The following PELI2 variants were observed in gnomAD, a reference collection of about 807,000 sequenced individuals.
The protein encoded by PELI2 is pellino E3 ubiquitin protein ligase family member 2.
A neutral mutation model predicts 42.3 loss-of-function variants in PELI2; 23 were observed. That is an observed-to-expected ratio of 0.54 (90% CI 0.39 to 0.77). PELI2 has a LOEUF of 0.77. Among genes scored for constraint, PELI2 ranks in the 30% least tolerant of loss-of-function variants. The pLI, the probability that PELI2 is intolerant of heterozygous loss-of-function variation, is 0.00. For missense variants in PELI2, 463 were observed against 553.2 expected (o/e 0.84, Z 1.64); for synonymous variants, 245 against 212.2 (o/e 1.15, Z -1.34).
In PELI2 at chr14:56,300,847, G is replaced by A. The variant is rs772492158; in HGVS notation, c.*3681G>A. On this transcript the variant is annotated 3_prime_UTR_variant, in exon 6 of 6. Transcript: ENST00000267460. ...CCTCCTTCTGTGCGACCAATGAGACGACTTCAGCATCTTTTTAAAATAATC... is the reference window on the plus strand; with the variant it reads ...CCTCCTTCTGTGCGACCAATGAGACAACTTCAGCATCTTTTTAAAATAATC... The A allele has an allele frequency of 1.3e-5, 2 of 152,004 alleles. No homozygotes were observed. Among genetic ancestry groups the A allele is most frequent in the Admixed American group, 6.6e-5 (1 of 15,254 alleles). 9.4% of individuals were successfully genotyped at this position (152,004 alleles called of 1,614,324 possible).
At chr14:56,149,702 A>T (rs577245296) in intron 1 of PELI2, among the ~76,000 whole-genome samples, 1 of 151,772 alleles carries the variant, frequency 6.6e-6, no homozygotes, top group Non-Finnish European at 1.5e-5. Flanking sequence ...GCCTCAGTTC[A>T]TTTCCAGATT....
chr14:56,203,687 C>A (rs1886418709), intron 2 of PELI2, among the ~76,000 whole-genome samples: 2 of 152,092 alleles, frequency 1.3e-5, no homozygotes, highest in African/African-American at 2.4e-5. Flanking sequence ...CTAAGTCTGC[C>A]CTTACTGTGC....
intron 2 of PELI2, among the ~76,000 whole-genome samples, chr14:56,228,579 G>T (rs1202959749): frequency 6.6e-6 from 1 of 152,166 alleles, no homozygotes; most frequent in Non-Finnish European, 1.5e-5. Flanking sequence ...TTAAAAACTG[G>T]ATTAAAAAAT....
chr14:56,237,319 C>T (rs1887833337), intron 2 of PELI2, among the ~76,000 whole-genome samples: 1 of 152,134 alleles, frequency 6.6e-6, no homozygotes, highest in Non-Finnish European at 1.5e-5. Context: ...GTCTGCTTTC[C>T]ACTACAGGGG....
At chr14:56,204,526 G>C (rs367921539) in intron 2 of PELI2, among the ~76,000 whole-genome samples, 3 of 152,072 alleles carry the variant, frequency 2.0e-5, no homozygotes, top group Non-Finnish European at 2.9e-5. Flanking sequence ...TGCGGTTTGC[G>C]GTATGATGAA....
At chr14:56,208,460 G>C (rs900143968) in intron 2 of PELI2, among the ~76,000 whole-genome samples, 1 of 152,168 alleles carries the variant, frequency 6.6e-6, no homozygotes, top group Non-Finnish European at 1.5e-5. Context: ...CCTGCAATAC[G>C]ATTGCATTTG....
At chr14:56,294,437 G>A (rs1418897032) in intron 5 of PELI2, among the ~76,000 whole-genome samples, 2 of 152,200 alleles carry the variant, frequency 1.3e-5, no homozygotes, top group African/African-American at 2.4e-5. Context: ...AGGAGAAGTC[G>A]AGTGACTGCA....
intron 2 of PELI2, among the ~76,000 whole-genome samples, chr14:56,250,537 G>T (rs1888309618): frequency 6.6e-6 from 1 of 152,124 alleles, no homozygotes; most frequent in Non-Finnish European, 1.5e-5. Context: ...ATGCCATAGA[G>T]CCTCTGGCAA....
intron 2 of PELI2, among the ~76,000 whole-genome samples, chr14:56,243,028 T>C (rs1402536620): frequency 6.6e-6 from 1 of 152,186 alleles, no homozygotes. Context: ...CTAACTTCCT[T>C]TTTATGACTC....
intron 2 of PELI2, among the ~76,000 whole-genome samples, chr14:56,257,798 G>A (rs917222420): frequency 3.3e-5 from 5 of 152,118 alleles, no homozygotes; most frequent in Admixed American, 6.6e-5. Flanking sequence ...CAAGGAATAA[G>A]GAACCAAACA....
At chr14:56,256,647 T>A (rs986288552) in intron 2 of PELI2, among the ~76,000 whole-genome samples, 1 of 152,212 alleles carries the variant, frequency 6.6e-6, no homozygotes, top group African/African-American at 2.4e-5. Flanking sequence ...TAAGACGTAA[T>A]TAGAAAATGC....
At position 56,157,462 on chromosome 14, in the gene PELI2, A is replaced by G. The variant is rs8021316; in HGVS notation, c.78-20873A>G. 6.9e-3 allele frequency among the ~76,000 whole-genome samples: 1,051 copies of G among 152,288 alleles called. 16 individuals are homozygous for G. The highest frequency in any genetic ancestry group is 0.024 in the African/African-American group (979 of 41,542). On this transcript the variant is annotated intron_variant, in intron 1 of 5. Coordinates refer to ENST00000267460, the MANE Select transcript of PELI2 (RefSeq NM_021255.3). ...AATCCATGTAGCATCAATATACACA[A>G]TGTAAAGCTGTGAATGGCTTTATGC...
rs548389777 is a variant in PELI2 at position 56,219,379 on chromosome 14, T to A, written c.207+40915T>A. ...TGACTTTCCTGAAGTTATAAACTGT[T>A]TTTAACTCTTATCAGTCCTCCTTGA... On this transcript the variant is annotated intron_variant, in intron 2 of 5. Transcript: ENST00000267460. The surrounding 1 kb of genome is among the most constrained non-coding windows in gnomAD (Gnocchi z 4.1). 2.7e-4 allele frequency among the ~76,000 whole-genome samples: 41 copies of A among 152,332 alleles called. No individual in the cohort carries two copies. The highest frequency in any genetic ancestry group is 6.8e-3 in the Middle Eastern group (2 of 294).
intron 2 of PELI2, among the ~76,000 whole-genome samples, chr14:56,275,411 A>G (rs1221587089): frequency 6.6e-6 from 1 of 152,216 alleles, no homozygotes; most frequent in African/African-American, 2.4e-5. Flanking sequence ...TCATTGTAAT[A>G]TATAACTAAA....
chr14:56,220,793 G>T (rs191021765), intron 2 of PELI2, among the ~76,000 whole-genome samples: 16 of 152,208 alleles, frequency 1.1e-4, no homozygotes, highest in Admixed American at 2.0e-4. Flanking sequence ...AAGATGGGGA[G>T]TAGGAAGGAG....
At chr14:56,245,914 A>G (rs997614790) in intron 2 of PELI2, among the ~76,000 whole-genome samples, 1 of 152,214 alleles carries the variant, frequency 6.6e-6, no homozygotes, top group South Asian at 2.1e-4. Context: ...TGCAAATACT[A>G]TACCAATTTA....
rs151092148 is a variant in PELI2, at chr14:56,279,739, G to C, written c.271G>C (p.Val91Leu). The C allele has an allele frequency of 1.9e-6, 3 of 1,602,216 alleles. No homozygotes were observed. The highest frequency in any genetic ancestry group is 2.6e-6 in the Non-Finnish European group (3 of 1,169,742). ...TTTGTCAAGGAATCAGACTGTGGTG[G>C]TGGAGTACACACATGATAAGGATAC... ...YTLSRNQTVVVEYTHDKDTDM... is the reference protein window; with the variant it reads ...YTLSRNQTVVLEYTHDKDTDM... Residue 91 changes from valine to leucine, a missense_variant, in exon 3 of 6, where the codon GTG (valine) becomes CTG (leucine). Coordinates refer to ENST00000267460, the MANE Select transcript of PELI2 (RefSeq NM_021255.3).
chr14:56,190,407 T>A (rs929214057), intron 2 of PELI2, among the ~76,000 whole-genome samples: 1 of 152,214 alleles, frequency 6.6e-6, no homozygotes, highest in Non-Finnish European at 1.5e-5. Flanking sequence ...TTCTTTAAAG[T>A]ACACAAAACA....
At chr14:56,226,984 G>T (rs1411793732) in intron 2 of PELI2, among the ~76,000 whole-genome samples, 1 of 152,158 alleles carries the variant, frequency 6.6e-6, no homozygotes, top group Non-Finnish European at 1.5e-5. Flanking sequence ...GGCCCCCAGG[G>T]CTCTAAAATT....
Sources: gnomAD v4.1 joint callset for allele counts (sites outside exome capture counted in the v4.1 genomes callset) on GRCh38, gnomAD v4.1.1 for gene constraint, Gnocchi (gnomAD v3.1) non-coding constraint, MANE v1.5 for transcripts, NCBI Gene and HGNC (gene_info 2026-07-23, HGNC 2026-07-21) for gene names.